USP34: variants seen among roughly 807,000 people sequenced by gnomAD.
USP34 encodes the protein ubiquitin specific peptidase 34, also known as ubiquitin carboxyl-terminal hydrolase 34.
A neutral mutation model predicts 460.3 loss-of-function variants in USP34; 70 were observed. The observed-to-expected ratio is 0.15, with a 90% CI of 0.13 to 0.19. USP34 has a LOEUF of 0.19. USP34 is among the 10% of genes least tolerant of loss of function. The pLI is 1.00. For synonymous variants in USP34, 1,647 were observed against 1,405.3 expected (o/e 1.17, Z -3.85); for missense variants, 3,985 against 4,236.2 (o/e 0.94, Z 1.65).
intron 75 of USP34, among the ~76,000 whole-genome samples, chr2:61,197,126 A>G (rs575840539): frequency 2.0e-4 from 30 of 151,990 alleles, no homozygotes; most frequent in Admixed American, 3.9e-4. Flanking sequence ...AAAAAATAAA[A>G]TACAAGAATT....
intron 41 of USP34, 60 bp downstream of exon 41, chr2:61,278,105 T>C (rs1689426393): frequency 6.3e-7 from 1 of 1,590,072 alleles, no homozygotes; most frequent in Non-Finnish European, 8.6e-7. Flanking sequence ...TAATACACAA[T>C]GTAACAACAA....
chr2:61,387,999 G>A (rs1052141403), intron 5 of USP34, among the ~76,000 whole-genome samples: 1 of 151,014 alleles, frequency 6.6e-6, no homozygotes, highest in East Asian at 1.9e-4. Flanking sequence ...AGGTGGAGTG[G>A]CTCATGCCTG....
chr2:61,331,486 T>C (rs1204107991), intron 19 of USP34, 115 bp from the exon 20 acceptor site: 32 of 708,076 alleles, frequency 4.5e-5, no homozygotes, highest in Non-Finnish European at 6.3e-5. Flanking sequence ...AAATTTTAGT[T>C]ACGAAAAATA....
intron 10 of USP34, among the ~76,000 whole-genome samples, chr2:61,360,601 A>G (rs1016235934): frequency 6.6e-6 from 1 of 152,234 alleles, no homozygotes. Context: ...AAATATCATT[A>G]AAAGTCCATA....
chr2:61,234,990 T>C (rs900656033), intron 57 of USP34, among the ~76,000 whole-genome samples: 1 of 152,138 alleles, frequency 6.6e-6, no homozygotes, highest in African/African-American at 2.4e-5. Context: ...ATCATGACAC[T>C]AGTTATAATA....
chr2:61,350,580 A>G lies in USP34; in HGVS notation c.1365T>C (p.Val455=). 3 of 1,611,660 alleles carry G rather than the reference A, an allele frequency of 1.9e-6. No individual in the cohort carries two copies. The highest frequency in any genetic ancestry group is 2.5e-6 in the Non-Finnish European group (3 of 1,179,334). Residue 455 remains valine, a synonymous_variant, in exon 11 of 80, where the codon GTT becomes GTC. Transcript: ENST00000398571. ...LNLVSALEPS[V]HTEQTLYLAS... Reference sequence around the variant, plus strand: ...TTGAATGTATTACCTGTTCAGTATGAACACTTGGCTCAAGAGCTGAGACCA... The same window carrying G: ...TTGAATGTATTACCTGTTCAGTATGGACACTTGGCTCAAGAGCTGAGACCA...
At chr2:61,370,663 A>T in intron 8 of USP34, 84 bp from the exon 9 acceptor site, 1 of 1,238,474 alleles carries the variant, frequency 8.1e-7, no homozygotes, top group Non-Finnish European at 1.1e-6. Flanking sequence ...TTGAAAACCT[A>T]AATTTGTTCC....
intron 3 of USP34, among the ~76,000 whole-genome samples, chr2:61,398,286 G>T (rs541265386): frequency 3.4e-4 from 52 of 152,140 alleles, no homozygotes; most frequent in African/African-American, 1.2e-3. Context: ...AGGATTGCAT[G>T]AACTTGGGAG....
chr2:61,463,845 A>C (rs894020663), intron 1 of USP34, among the ~76,000 whole-genome samples: 4 of 152,056 alleles, frequency 2.6e-5, no homozygotes, highest in East Asian at 1.9e-4. Flanking sequence ...AAAAAAAAAA[A>C]AAACTCTTAG....
intron 30 of USP34, 28 bp downstream of exon 30, chr2:61,296,772 G>C: frequency 6.2e-7 from 1 of 1,604,058 alleles, no homozygotes; most frequent in East Asian, 2.2e-5. Context: ...ACAGCCTCTA[G>C]GAGAGTAAAG....
intron 41 of USP34, among the ~76,000 whole-genome samples, chr2:61,272,465 C>T (rs1197875842): frequency 1.3e-5 from 2 of 151,404 alleles, no homozygotes; most frequent in East Asian, 3.9e-4. Flanking sequence ...TCTCTCAAAT[C>T]CAACATATAT....
At chr2:61,405,232 C>CAAAAAAAAAAAAAAAAAAAAAAA (rs199659618) in intron 3 of USP34, among the ~76,000 whole-genome samples, 3 of 78,058 alleles carry the variant, frequency 3.8e-5, no homozygotes, top group Admixed American at 1.9e-4. Context: ...GACTCCATCT[C>CAAAAAAAAAAAAAAAAAAAAAAA]AAAAAAAAAA....
chr2:61,222,906 A>T, intron 64 of USP34, 154 bp downstream of exon 64: 2 of 729,208 alleles, frequency 2.7e-6, no homozygotes, highest in South Asian at 3.9e-5. Flanking sequence ...TATGTTGCCT[A>T]GGCTGGTCTC....
chr2:61,237,812 G>A (rs1018634223), intron 53 of USP34, among the ~76,000 whole-genome samples: 6 of 151,334 alleles, frequency 4.0e-5, no homozygotes, highest in Admixed American at 1.3e-4. Flanking sequence ...CTGGGGTCAA[G>A]CAATCCACCT....
intron 1 of USP34, among the ~76,000 whole-genome samples, chr2:61,459,476 T>C (rs949422492): frequency 1.3e-5 from 2 of 152,156 alleles, no homozygotes; most frequent in African/African-American, 4.8e-5. Context: ...TGGGCACAAT[T>C]AAGATACTTG....
intron 70 of USP34, chr2:61,207,291 G>GAGT (rs1687146937): frequency 6.4e-6 from 1 of 156,280 alleles, no homozygotes; most frequent in Admixed American, 6.4e-5. Flanking sequence ...ATACTCAAAA[G>GAGT]AGTAGGCCTG....
At chr2:61,453,211 G>A (rs750852194) in intron 1 of USP34, among the ~76,000 whole-genome samples, 2 of 151,994 alleles carry the variant, frequency 1.3e-5, no homozygotes, top group Admixed American at 6.6e-5. Flanking sequence ...ATGAGTTCGA[G>A]ACCAGCCTGG....
intron 6 of USP34, among the ~76,000 whole-genome samples, chr2:61,381,218 T>A (rs112751665): frequency 2.0e-3 from 227 of 112,824 alleles, no homozygotes; most frequent in African/African-American, 5.5e-3. Flanking sequence ...AAAAAAAAAA[T>A]AAATAAATAA....
At position 61,311,874 on chromosome 2, in the gene USP34, G is replaced by A. The variant is rs1271332339; in HGVS notation, c.3579C>T (p.Gly1193=). 6.2e-7 allele frequency: 1 copy of A among 1,613,650 alleles called. No individual in the cohort carries two copies. ...AYHLRQWQIE[G]TGISSHLKAL... Reference sequence around the variant, plus strand: ...CTTTCAAATGACTACTAATACCAGTGCCTTCAATTTGCCACTGTCTCAGAT... The same window carrying A: ...CTTTCAAATGACTACTAATACCAGTACCTTCAATTTGCCACTGTCTCAGAT... The change falls in exon 26 of 80, where the codon GGC becomes GGT. Residue 1193 remains glycine, a synonymous_variant. Coordinates refer to ENST00000398571, the MANE Select transcript of USP34 (RefSeq NM_014709.4).
Sources: gnomAD v4.1 joint callset for allele counts (sites outside exome capture counted in the v4.1 genomes callset) on GRCh38, gnomAD v4.1.1 for gene constraint, MANE v1.5 for transcripts, NCBI Gene and HGNC (gene_info 2026-07-23, HGNC 2026-07-21) for gene names.